The following VEGFC variants were observed in gnomAD, a reference collection of about 807,000 sequenced individuals.
VEGFC encodes the protein FLT4 ligand DHM.
In VEGFC, 12 loss-of-function variants were observed where a neutral mutation model predicts 46.1. The ratio of observed to expected loss-of-function variants is 0.26; its 90% CI spans 0.17 to 0.42. The LOEUF (loss-of-function observed/expected upper bound fraction) is 0.42, where lower values mean the gene tolerates loss of function less well. Among genes scored for constraint, VEGFC ranks in the 10% least tolerant of loss-of-function variants. The probability of loss-of-function intolerance (pLI) is 1.00; values close to 1 mark genes in which losing one functional copy is unlikely to be tolerated. For synonymous variants in VEGFC, 232 were observed against 195.5 expected (o/e 1.19, Z -1.56); for missense variants, 488 against 529.4 (o/e 0.92, Z 0.77).
At chr4:176,740,794 C>G (rs1184856099) in intron 1 of VEGFC, among the ~76,000 whole-genome samples, 1 of 151,468 alleles carries the variant, frequency 6.6e-6, no homozygotes, top group Non-Finnish European at 1.5e-5. Context: ...CACATTTGTC[C>G]GAAGTTCAGG....
chr4:176,718,200 C>T (rs1350911444), intron 3 of VEGFC, among the ~76,000 whole-genome samples: 11 of 152,106 alleles, frequency 7.2e-5, no homozygotes, highest in Admixed American at 6.6e-4. Flanking sequence ...TCTTTTTCCA[C>T]ATCAGGATAA....
chr4:176,685,423 C>G (rs930294128), intron 6 of VEGFC, among the ~76,000 whole-genome samples: 2 of 151,858 alleles, frequency 1.3e-5, no homozygotes, highest in African/African-American at 2.4e-5. Context: ...CTCTTTTGCT[C>G]CAATTTATAT....
intron 1 of VEGFC, among the ~76,000 whole-genome samples, chr4:176,772,000 T>TA (rs1735730939): frequency 6.6e-6 from 1 of 152,102 alleles, no homozygotes; most frequent in African/African-American, 2.4e-5. Context: ...AGGCACAGCC[T>TA]AACAGAAAGA....
At chr4:176,783,215 A>C (rs1254857259) in intron 1 of VEGFC, among the ~76,000 whole-genome samples, 1 of 152,240 alleles carries the variant, frequency 6.6e-6, no homozygotes, top group Non-Finnish European at 1.5e-5. Flanking sequence ...CTCAGACAGC[A>C]CACGCTGTAC....
At chr4:176,759,558 G>T (rs186319612) in intron 1 of VEGFC, among the ~76,000 whole-genome samples, 1 of 152,152 alleles carries the variant, frequency 6.6e-6, no homozygotes, top group East Asian at 1.9e-4. Flanking sequence ...TATACTCATG[G>T]TGACTATGGT....
chr4:176,729,260 T>C (rs895064230), intron 2 of VEGFC, among the ~76,000 whole-genome samples: 1 of 152,188 alleles, frequency 6.6e-6, no homozygotes, highest in Non-Finnish European at 1.5e-5. Context: ...AATATAGCCA[T>C]CTGTTTTAAA....
Position 176,693,015 on chromosome 4 carries a change from C to G in VEGFC, c.705-5088G>C, listed in dbSNP as rs1734236647. ...CAAAGACCAAAAGTCGATAAAACCA[C>G]AAAGATGGGGAAAAAACAGAACAGA... On this transcript the variant is annotated intron_variant, in intron 4 of 6. Coordinates refer to ENST00000618562, the MANE Select transcript of VEGFC (RefSeq NM_005429.5). Among the ~76,000 whole-genome samples the G allele has an allele frequency of 4.6e-5, 7 of 151,814 alleles. No individual in the cohort carries two copies. The South Asian group carries it at 1.5e-3, about 32-fold the overall frequency.
At chr4:176,769,509 A>G (rs1388609955) in intron 1 of VEGFC, among the ~76,000 whole-genome samples, 1 of 152,166 alleles carries the variant, frequency 6.6e-6, no homozygotes, top group East Asian at 1.9e-4. Context: ...TATTTAATAA[A>G]TATGTAATTA....
intron 1 of VEGFC, among the ~76,000 whole-genome samples, chr4:176,735,073 TGTCATG>T (rs1279027555): frequency 6.6e-6 from 1 of 151,800 alleles, no homozygotes; most frequent in Non-Finnish European, 1.5e-5. Flanking sequence ...AAGCCACCTC[TGTCATG>T]GAATTTTGCT....
Position 176,683,919 on chromosome 4 carries a change from T to G in VEGFC, c.*7A>C. On this transcript the variant is annotated 3_prime_UTR_variant, in exon 7 of 7. Transcript: ENST00000618562. ...AGAAAATCGATGAACTGGAAAACAG[T>G]ACAATCTTAGCTCATTTGTGGTCTT... is the stretch of plus-strand genomic sequence containing the variant. 2 of 1,604,064 alleles carry G rather than the reference T, an allele frequency of 1.2e-6. No homozygotes were observed. The highest frequency in any genetic ancestry group is 1.7e-6 in the Non-Finnish European group (2 of 1,170,802).
chr4:176,786,746 AC>A (rs764681526), intron 1 of VEGFC, among the ~76,000 whole-genome samples: 6 of 152,234 alleles, frequency 3.9e-5, no homozygotes, highest in Non-Finnish European at 7.3e-5. Context: ...GAACTGATTA[AC>A]ATGAGTTGAA....
chr4:176,750,033 T>C (rs1735316930), intron 1 of VEGFC, among the ~76,000 whole-genome samples: 1 of 151,814 alleles, frequency 6.6e-6, no homozygotes. Context: ...GTAAACAATC[T>C]TCAATTCATG....
At chr4:176,703,871 T>C (rs773664628) in intron 4 of VEGFC, among the ~76,000 whole-genome samples, 2 of 152,102 alleles carry the variant, frequency 1.3e-5, no homozygotes, top group Non-Finnish European at 2.9e-5. Context: ...TTGTGTGACA[T>C]TGGGGAAATT....
At position 176,683,846 on chromosome 4, in the gene VEGFC, C is replaced by G; in HGVS notation, c.*80G>C. On this transcript the variant is annotated 3_prime_UTR_variant, in exon 7 of 7. Transcript: ENST00000618562. Reference sequence around the variant, plus strand: ...TTTGTTAGCATGGACCCACAAGGGTCTCTCTGTTCACAGACAGTTCTACTG... The same window carrying G: ...TTTGTTAGCATGGACCCACAAGGGTGTCTCTGTTCACAGACAGTTCTACTG... 1 of 1,160,572 alleles carries G rather than the reference C, an allele frequency of 8.6e-7. No individual in the cohort carries two copies. Among genetic ancestry groups the G allele is most frequent in the Non-Finnish European group, 1.3e-6 (1 of 774,840 alleles). 71.9% of individuals were successfully genotyped at this position (1,160,572 alleles called of 1,614,324 possible).
At chr4:176,723,869 GGTTT>G (rs1433875598) in intron 3 of VEGFC, among the ~76,000 whole-genome samples, 1 of 148,636 alleles carries the variant, frequency 6.7e-6, no homozygotes, top group Non-Finnish European at 1.5e-5. Context: ...TCCATGTGCA[GGTTT>G]GTTACATAGG....
chr4:176,701,484 A>T (rs1052294511), intron 4 of VEGFC, among the ~76,000 whole-genome samples: 2 of 152,182 alleles, frequency 1.3e-5, no homozygotes, highest in African/African-American at 4.8e-5. Flanking sequence ...TCTATCAGCA[A>T]GCCATAGGAA....
intron 3 of VEGFC, among the ~76,000 whole-genome samples, chr4:176,721,716 G>C (rs190865639): frequency 1.1e-4 from 17 of 152,316 alleles, no homozygotes; most frequent in Non-Finnish European, 2.1e-4. Flanking sequence ...AAAAGAATAG[G>C]ATTCACTTAC....
intron 1 of VEGFC, among the ~76,000 whole-genome samples, chr4:176,745,973 A>G (rs1267778239): frequency 6.6e-6 from 1 of 152,114 alleles, no homozygotes; most frequent in Admixed American, 6.6e-5. Flanking sequence ...GGGCTTCCCA[A>G]TAATGTAATG....
chr4:176,755,666 T>C (rs1335685963), intron 1 of VEGFC, among the ~76,000 whole-genome samples: 2 of 152,044 alleles, frequency 1.3e-5, no homozygotes, highest in Non-Finnish European at 2.9e-5. Flanking sequence ...ATTGTTATCA[T>C]CCATTGACAT....
Sources: gnomAD v4.1 joint callset for allele counts (sites outside exome capture counted in the v4.1 genomes callset) on GRCh38, gnomAD v4.1.1 for gene constraint, MANE v1.5 for transcripts, NCBI Gene and HGNC (gene_info 2026-07-23, HGNC 2026-07-21) for gene names.